Variants in RASIP1 observed in about 807,000 individuals in gnomAD.
RASIP1 encodes the protein ras-interacting protein 1.
RASIP1 carries 20 observed loss-of-function variants against 85.3 expected under a neutral mutation model. The observed-to-expected ratio is 0.23, with a 90% confidence interval of 0.17 to 0.34. RASIP1 has a LOEUF of 0.34. RASIP1 is among the 10% of genes least tolerant of loss of function. The probability of loss-of-function intolerance (pLI) is 1.00; values close to 1 mark genes in which losing one functional copy is unlikely to be tolerated. For missense variants in RASIP1, 1,170 were observed against 1,390.9 expected (o/e 0.84, Z 2.53); for synonymous variants, 617 against 647.1 (o/e 0.95, Z 0.71).
chr19:48,734,515 T>C (rs1407199748), intron 4 of RASIP1, among the ~76,000 whole-genome samples: 1 of 140,180 alleles, frequency 7.1e-6, no homozygotes, highest in African/African-American at 2.7e-5. Context: ...TGAGACAGAG[T>C]CTTGCTCTGT....
At chr19:48,732,614 C>A (rs558930689) in intron 4 of RASIP1, among the ~76,000 whole-genome samples, 12 of 152,270 alleles carry the variant, frequency 7.9e-5, no homozygotes, top group African/African-American at 2.6e-4. Context: ...CTTTGAACTG[C>A]CACCTGGAAG....
In RASIP1 at chr19:48,732,233, C is replaced by T. The variant is rs551426504; in HGVS notation, c.1180-2643G>A. On this transcript the variant is annotated intron_variant, in intron 4 of 11. Coordinates refer to ENST00000222145, the MANE Select transcript of RASIP1 (RefSeq NM_017805.3). ...AGAATGACAGGCATACACCACCACA[C>T]CTGGCTAATTTTTGTTTCTGTTTTT... is the stretch of plus-strand genomic sequence containing the variant. 2.0e-5 allele frequency among the ~76,000 whole-genome samples: 3 copies of T among 151,446 alleles called. No individual in the cohort carries two copies. The East Asian group carries it at 5.8e-4, about 29-fold the overall frequency.
In RASIP1 at chr19:48,724,969, ATAGAGAAG is replaced by A; in HGVS notation, c.2128-17_2128-10del. ...AGCGTTGAATAGAGAGTCTGAGAAA[ATAGAGAAG>A]TGGAAACAAGTGATTGGACTACAAC... On this transcript the variant is annotated splice_polypyrimidine_tract_variant and intron_variant, in intron 8 of 11. Transcript: ENST00000222145. This position sits in a 1 kb window ranked among gnomAD's most constrained non-coding sequence, Gnocchi z 4.6. 6.2e-7 allele frequency: 1 copy of A among 1,607,698 alleles called. No individual in the cohort carries two copies. Among genetic ancestry groups the A allele is most frequent in the Non-Finnish European group, 8.5e-7 (1 of 1,174,650 alleles).
At chr19:48,728,747 G>A (rs1568478106) in intron 5 of RASIP1, among the ~76,000 whole-genome samples, 190 bp downstream of exon 5, 2 of 151,014 alleles carry the variant, frequency 1.3e-5, no homozygotes, top group Non-Finnish European at 1.5e-5. Flanking sequence ...GGGTAACAGA[G>A]CGAGACTCCG....
intron 4 of RASIP1, among the ~76,000 whole-genome samples, chr19:48,734,541 G>A (rs1242689516): frequency 2.0e-5 from 3 of 147,348 alleles, no homozygotes. Flanking sequence ...TGGCTGGAGT[G>A]CAATGGAACG....
Position 48,722,152 on chromosome 19 carries a change from A to T in RASIP1, c.2545-151T>A. 4 of 725,746 alleles carry T rather than the reference A, an allele frequency of 5.5e-6. No individual in the cohort carries two copies. The South Asian group carries it at 1.6e-4, about 28-fold the overall frequency. The allele number at this position is 725,746 out of a possible 1,614,324, so 45.0% of individuals were successfully genotyped here. A position where few individuals can be genotyped will look rare whatever the true frequency, so the allele number is the denominator to read the frequency against. ...GCACTGTGAAGTCTGTTTATCACCAAAGTGATGGTGGGGAAGGGTGTGCTC... is the reference window on the plus strand; with the variant it reads ...GCACTGTGAAGTCTGTTTATCACCATAGTGATGGTGGGGAAGGGTGTGCTC... On this transcript the variant is annotated intron_variant, in intron 10 of 11. Transcript: ENST00000222145.
chr19:48,730,314 C>T (rs2033431596), intron 4 of RASIP1, among the ~76,000 whole-genome samples: 1 of 152,014 alleles, frequency 6.6e-6, no homozygotes, highest in Non-Finnish European at 1.5e-5. Context: ...TACAGGCGCG[C>T]ACCATCACGC....
rs757353924 is a variant in RASIP1 at position 48,724,291 on chromosome 19, T to G, written c.2544+46A>C. On this transcript the variant is annotated intron_variant, in intron 10 of 11. Transcript: ENST00000222145. The surrounding 1 kb of genome is among the most constrained non-coding windows in gnomAD (Gnocchi z 4.6). ...AATATAGAAGGTGGCTGAGGGGGGTTGAGGAGTCAGAGGTCAGGGGTCAGG... is the reference window on the plus strand; with the variant it reads ...AATATAGAAGGTGGCTGAGGGGGGTGGAGGAGTCAGAGGTCAGGGGTCAGG... 6.3e-7 allele frequency: 1 copy of G among 1,579,958 alleles called. No homozygotes were observed. Among genetic ancestry groups the G allele is most frequent in the East Asian group, 2.3e-5 (1 of 44,428 alleles).
At chr19:48,723,031 G>T (rs950880688) in intron 10 of RASIP1, among the ~76,000 whole-genome samples, 35 of 151,676 alleles carry the variant, frequency 2.3e-4, no homozygotes, top group Non-Finnish European at 4.4e-4. Flanking sequence ...GACCACAGAC[G>T]TGTGCCTCCA....
chr19:48,721,155 C>T (rs1488631070), intron 11 of RASIP1, among the ~76,000 whole-genome samples, 158 bp from the exon 12 acceptor site: 1 of 152,158 alleles, frequency 6.6e-6, no homozygotes, highest in Admixed American at 6.5e-5. Context: ...CTAGGAGCCC[C>T]TGGGCATGAT....
At chr19:48,723,178 G>A (rs570663372) in intron 10 of RASIP1, among the ~76,000 whole-genome samples, 1 of 152,196 alleles carries the variant, frequency 6.6e-6, no homozygotes, top group East Asian at 1.9e-4. Context: ...TAGCCACTAC[G>A]CCCAGCCCAT....
Position 48,729,023 on chromosome 19 carries a change from C to T in RASIP1, c.1747G>A (p.Val583Met), listed in dbSNP as rs1408774763. ...LGPATLLALC[V>M]QHSARELELG... ...TCCAGCTCACGGGCGGAATGCTGCA[C>T]GCACAGCGCCAGCAGCGTGGCGGGC... Residue 583 changes from valine to methionine, a missense_variant, in exon 5 of 12, where the codon GTG (valine) becomes ATG (methionine). Val to Met is a conservative substitution (Grantham distance 21). Around this residue, in one of 4 missense-constraint regions of RASIP1, gnomAD observed 426 missense variants for 576.2 expected, o/e 0.74. Transcript: ENST00000222145. 3 of 1,434,650 alleles carry T rather than the reference C, an allele frequency of 2.1e-6. No homozygotes were observed. The highest frequency in any genetic ancestry group is 3.1e-5 in the Admixed American group (1 of 31,956). 88.9% of individuals were successfully genotyped at this position (1,434,650 alleles called of 1,614,324 possible).
chr19:48,722,087 T>C, intron 10 of RASIP1, 86 bp from the exon 11 acceptor site: 1 of 1,279,324 alleles, frequency 7.8e-7, no homozygotes, highest in Non-Finnish European at 1.0e-6. Context: ...GGGGAGTGGG[T>C]GTGGTGGGAA....
chr19:48,734,307 T>C (rs1398097133), intron 4 of RASIP1, among the ~76,000 whole-genome samples: 1 of 151,496 alleles, frequency 6.6e-6, no homozygotes, highest in Non-Finnish European at 1.5e-5. Flanking sequence ...AAAAAAAAGT[T>C]TATTAAAAAA....
At position 48,738,799 on chromosome 19, in the gene RASIP1, C is replaced by A; in HGVS notation, c.823+161G>T. 1 of 935,830 alleles carries A rather than the reference C, an allele frequency of 1.1e-6. No homozygotes were observed. The highest frequency in any genetic ancestry group is 1.4e-6 in the Non-Finnish European group (1 of 733,460). 58.0% of individuals were successfully genotyped at this position (935,830 alleles called of 1,614,324 possible). A position where few individuals can be genotyped will look rare whatever the true frequency, so the allele number is the denominator to read the frequency against. On this transcript the variant is annotated intron_variant, in intron 3 of 11. Coordinates refer to ENST00000222145, the MANE Select transcript of RASIP1 (RefSeq NM_017805.3). The surrounding 1 kb of genome is among the most constrained non-coding windows in gnomAD (Gnocchi z 4.0). ...CGCCCCCGGCCCTGCTCTAGCTCTG[C>A]CTAGAGTCCAACACGCACCGTCCAG...
chr19:48,735,142 C>A, intron 4 of RASIP1, 54 bp downstream of exon 4: 1 of 1,483,894 alleles, frequency 6.7e-7, no homozygotes, highest in Non-Finnish European at 9.1e-7. Context: ...GTTGCTCACC[C>A]ACCAACAGAT....
intron 8 of RASIP1, among the ~76,000 whole-genome samples, chr19:48,726,146 C>T (rs1011251732): frequency 2.0e-5 from 3 of 152,176 alleles, no homozygotes. Flanking sequence ...AGTCTGGTCT[C>T]AAACTCCTGA....
At position 48,720,901 on chromosome 19, in the gene RASIP1, A is replaced by G. The variant is rs2033217795; in HGVS notation, c.2789T>C (p.Leu930Ser). Residue 930 changes from leucine (L) to serine (S), a missense_variant, in exon 12 of 12, where the codon TTG (leucine) becomes TCG (serine). Physicochemically the swap from Leu to Ser is moderately radical, Grantham distance 145 (BLOSUM62 -2). Transcript: ENST00000222145. ...GCGGAGCCTACGGAGTTCACGGTGC[A>G]AGGCATCGTCCGTCACTGGACCAGT... ...RLTGPVTDDALHRELRRLRRL... is the reference protein window; with the variant it reads ...RLTGPVTDDASHRELRRLRRL... The G allele has an allele frequency of 1.2e-6, 2 of 1,613,894 alleles. No homozygotes were observed. The highest frequency in any genetic ancestry group is 8.5e-7 in the Non-Finnish European group (1 of 1,179,958).
At chr19:48,736,427 G>GT (rs916846990) in intron 3 of RASIP1, among the ~76,000 whole-genome samples, 1 of 151,880 alleles carries the variant, frequency 6.6e-6, no homozygotes, top group Non-Finnish European at 1.5e-5. Context: ...AACAAAACAA[G>GT]TATTTATTGA....
Sources: allele counts gnomAD v4.1 joint callset (sites outside exome capture counted in the v4.1 genomes callset), GRCh38; gene constraint gnomAD v4.1.1; regional missense constraint gnomAD v4.1.1; non-coding constraint Gnocchi (gnomAD v3.1); transcripts MANE v1.5; gene names NCBI Gene and HGNC (gene_info 2026-07-23, HGNC 2026-07-21).